Variants in MAP4K4 observed in about 807,000 individuals in gnomAD.
The protein encoded by MAP4K4 is mitogen-activated protein kinase kinase kinase kinase 4.
In MAP4K4, 38 loss-of-function variants were observed where a neutral mutation model predicts 189.6. That is an observed-to-expected ratio of 0.20 (90% CI 0.15 to 0.26). The LOEUF is 0.26. Ranked by LOEUF, MAP4K4 falls within the 10% of genes least tolerant of loss-of-function variation. The pLI, the probability that MAP4K4 is intolerant of heterozygous loss-of-function variation, is 1.00. For synonymous variants in MAP4K4, 610 were observed against 624.3 expected (o/e 0.98, Z 0.34); for missense variants, 1,054 against 1,726.9 (o/e 0.61, Z 6.91).
At chr2:101,817,429 T>C (rs888427113) in intron 3 of MAP4K4, among the ~76,000 whole-genome samples, 7 of 152,230 alleles carry the variant, frequency 4.6e-5, no homozygotes, top group African/African-American at 7.2e-5. Context: ...CCCAAAGTTG[T>C]TGATGGGCAA....
intron 2 of MAP4K4, among the ~76,000 whole-genome samples, chr2:101,761,645 G>A (rs1470391575): frequency 2.7e-5 from 4 of 149,522 alleles, no homozygotes; most frequent in South Asian, 2.1e-4. Context: ...TGCAACTTCC[G>A]CCTCCCAGGT....
chr2:101,750,874 T>C (rs1039533051), intron 2 of MAP4K4, among the ~76,000 whole-genome samples: 1 of 151,614 alleles, frequency 6.6e-6, no homozygotes, highest in African/African-American at 2.4e-5. Context: ...ATCAGCAGGA[T>C]GATCTCACAG....
intron 6 of MAP4K4, 65 bp from the exon 7 acceptor site, chr2:101,831,656 C>G: frequency 6.6e-7 from 1 of 1,521,740 alleles, no homozygotes; most frequent in Non-Finnish European, 8.9e-7. Flanking sequence ...TGTGTTTTTT[C>G]CCAAGTATAT....
At chr2:101,884,772 C>CT (rs1165242137) in intron 28 of MAP4K4, among the ~76,000 whole-genome samples, 1 of 152,266 alleles carries the variant, frequency 6.6e-6, no homozygotes, top group Non-Finnish European at 1.5e-5. Context: ...CTTCCTCAGT[C>CT]TGTGTGAGCC....
chr2:101,735,243 G>GTGT (rs35054562), intron 2 of MAP4K4, among the ~76,000 whole-genome samples: 6 of 152,118 alleles, frequency 3.9e-5, no homozygotes, highest in African/African-American at 1.4e-4. Context: ...CAGAAAGGGG[G>GTGT]TGTAGAAAGT....
intron 2 of MAP4K4, among the ~76,000 whole-genome samples, chr2:101,761,165 T>A (rs1261663472): frequency 6.6e-6 from 1 of 152,218 alleles, no homozygotes; most frequent in Non-Finnish European, 1.5e-5. Flanking sequence ...GAAACATTTG[T>A]GTTTTGTGAA....
Position 101,755,929 on chromosome 2 carries a change from C to CTTTTTTTTT in MAP4K4, c.124-34770_124-34762dup, listed in dbSNP as rs57392183. On this transcript the variant is annotated intron_variant, in intron 2 of 32. Coordinates refer to ENST00000324219, the Ensembl canonical transcript of MAP4K4. The stretch of plus-strand genomic sequence containing the variant: ...TTTATTTATAGTATGAGTTCTTTTT[C>CTTTTTTTTT]TTTTTTTTTTTTTTTTTTTTTTTTT... Among the ~76,000 whole-genome samples the CTTTTTTTTT allele has an allele frequency of 1.2e-4, 7 of 57,794 alleles. 1 individual carries two copies. The highest frequency in any genetic ancestry group is 1.9e-4 in the Non-Finnish European group (6 of 32,302). 37.9% of individuals were successfully genotyped at this position (57,794 alleles called of 152,430 possible). A position where few individuals can be genotyped will look rare whatever the true frequency, so the allele number is the denominator to read the frequency against.
chr2:101,701,354 GA>G (rs1280058207), intron 2 of MAP4K4, among the ~76,000 whole-genome samples: 2 of 152,166 alleles, frequency 1.3e-5, no homozygotes, highest in Non-Finnish European at 2.9e-5. Flanking sequence ...GGAAGAAAGG[GA>G]GGGGGAGGGG....
chr2:101,781,368 A>G, intron 2 of MAP4K4, among the ~76,000 whole-genome samples: 1 of 151,960 alleles, frequency 6.6e-6, no homozygotes, highest in East Asian at 1.9e-4. Flanking sequence ...CCTTTGTCTT[A>G]GTCCATTTTG....
intron 16 of MAP4K4, chr2:101,861,785 G>A (rs2097664194): frequency 6.6e-6 from 1 of 152,146 alleles, no homozygotes; most frequent in African/African-American, 2.4e-5. Context: ...CTGACTTTTA[G>A]ATATTTTCCC....
intron 3 of MAP4K4, among the ~76,000 whole-genome samples, chr2:101,795,281 T>C (rs2093571388): frequency 6.6e-6 from 1 of 152,230 alleles, no homozygotes; most frequent in South Asian, 2.1e-4. Flanking sequence ...CATTTAATGA[T>C]TCTTGCTTAG....
intron 2 of MAP4K4, among the ~76,000 whole-genome samples, chr2:101,778,378 T>C (rs1274726232): frequency 6.6e-6 from 1 of 152,150 alleles, no homozygotes; most frequent in Non-Finnish European, 1.5e-5. Flanking sequence ...AAATCGCTTT[T>C]GTATCTTTTT....
intron 4 of MAP4K4, among the ~76,000 whole-genome samples, chr2:101,824,749 A>T (rs1212351227): frequency 6.6e-6 from 1 of 152,208 alleles, no homozygotes; most frequent in Non-Finnish European, 1.5e-5. Context: ...TCATAGTTAA[A>T]ATTTTAGAAT....
exon 29 of MAP4K4, chr2:101,885,257 A>G (rs1473508873): frequency 6.2e-7 from 1 of 1,604,316 alleles, no homozygotes; most frequent in Non-Finnish European, 8.5e-7. Flanking sequence ...CGTGGGCACC[A>G]AAGCCATATC....
chr2:101,711,554 C>T (rs2149312633), intron 2 of MAP4K4, among the ~76,000 whole-genome samples: 1 of 152,236 alleles, frequency 6.6e-6, no homozygotes, highest in East Asian at 1.9e-4. Flanking sequence ...TGGGCCTGGC[C>T]TTGCTCTTTG....
At chr2:101,827,568 G>T (rs1367069025) in intron 5 of MAP4K4, among the ~76,000 whole-genome samples, 1 of 152,148 alleles carries the variant, frequency 6.6e-6, no homozygotes, top group Non-Finnish European at 1.5e-5. Context: ...ACTAGATGTT[G>T]GATTTAGACA....
chr2:101,880,250 TA>T (rs2098345130), intron 27 of MAP4K4, among the ~76,000 whole-genome samples: 1 of 152,210 alleles, frequency 6.6e-6, no homozygotes, highest in Non-Finnish European at 1.5e-5. Flanking sequence ...GTATTGTATC[TA>T]AAAAGTCATT....
intron 27 of MAP4K4, among the ~76,000 whole-genome samples, chr2:101,879,847 T>C (rs1367163064): frequency 2.6e-5 from 4 of 152,134 alleles, no homozygotes; most frequent in African/African-American, 9.7e-5. Flanking sequence ...TTTTTTTTTT[T>C]TTAAGTAGAC....
chr2:101,743,951 C>T (rs1396096172), intron 2 of MAP4K4, among the ~76,000 whole-genome samples: 1 of 152,188 alleles, frequency 6.6e-6, no homozygotes, highest in African/African-American at 2.4e-5. Context: ...AGCCACCATG[C>T]CCAGCCCAGA....
Sources: gnomAD v4.1 joint callset for allele counts (sites outside exome capture counted in the v4.1 genomes callset) on GRCh38, gnomAD v4.1.1 for gene constraint, MANE v1.5 for transcripts, NCBI Gene and HGNC (gene_info 2026-07-23, HGNC 2026-07-21) for gene names.